The following ATL3 variants were observed in gnomAD, a reference collection of about 807,000 sequenced individuals.
ATL3 encodes atlastin-3.
ATL3 carries 49 observed loss-of-function variants against 69.5 expected under a neutral mutation model. The ratio of observed to expected loss-of-function variants is 0.71; its 90% confidence interval spans 0.56 to 0.89. The LOEUF (loss-of-function observed/expected upper bound fraction) is 0.89, where lower values mean the gene tolerates loss of function less well. Ranked by LOEUF, ATL3 falls within the 40% of genes least tolerant of loss-of-function variation. ATL3 has a pLI of 0.00. For missense variants in ATL3, 606 were observed against 645.7 expected (o/e 0.94, Z 0.67); for synonymous variants, 214 against 224.1 (o/e 0.95, Z 0.40).
intron 8 of ATL3, among the ~76,000 whole-genome samples, chr11:63,636,987 A>G (rs1939540512): frequency 6.6e-6 from 1 of 152,012 alleles, no homozygotes; most frequent in Non-Finnish European, 1.5e-5. Flanking sequence ...CACTTTTTAA[A>G]GAATTTGATG....
intron 1 of ATL3, among the ~76,000 whole-genome samples, chr11:63,661,402 T>C (rs1273601630): frequency 6.6e-6 from 1 of 152,192 alleles, no homozygotes; most frequent in Non-Finnish European, 1.5e-5. Flanking sequence ...AACTATATTA[T>C]ACTTTCCTTA....
rs149349529 is a variant in ATL3 at position 63,669,399 on chromosome 11, G to A, written c.46+1891C>T. Reference sequence around the variant, plus strand: ...AAAATACAAAAATTACCCAGGCGCGGTGGAGGGCGCCTGTAATCCCAGCTA... The same window carrying A: ...AAAATACAAAAATTACCCAGGCGCGATGGAGGGCGCCTGTAATCCCAGCTA... On this transcript the variant is annotated intron_variant, in intron 1 of 12. Transcript: ENST00000398868. Among the ~76,000 whole-genome samples the A allele has an allele frequency of 2.0e-4, 31 of 151,988 alleles. 1 individual carries two copies. In the East Asian group the frequency reaches 5.9e-3, roughly 29 times the overall value.
chr11:63,624,345 G>A lies in ATL3; in HGVS notation c.*4974C>T, dbSNP rs2093020338. The A allele has an allele frequency of 1.3e-5, 2 of 152,158 alleles. No individual in the cohort carries two copies. The highest frequency in any genetic ancestry group is 1.3e-4 in the Admixed American group (2 of 15,272). The allele number at this position is 152,158 out of a possible 1,614,324, so 9.4% of individuals were successfully genotyped here. The stretch of plus-strand genomic sequence containing the variant: ...TTAAGGCTTACATCCATGACAGCAT[G>A]TATCTAATTAGAAAGCTATGGGAAT... On this transcript the variant is annotated 3_prime_UTR_variant, in exon 13 of 13. Transcript: ENST00000398868.
intron 5 of ATL3, among the ~76,000 whole-genome samples, chr11:63,647,651 A>T (rs971868028): frequency 3.9e-5 from 6 of 152,240 alleles, no homozygotes; most frequent in Admixed American, 3.9e-4. Context: ...GAAAAGTATT[A>T]GGCCCATAAT....
At chr11:63,670,222 G>C (rs1221188822) in intron 1 of ATL3, 1 of 151,986 alleles carries the variant, frequency 6.6e-6, no homozygotes, top group African/African-American at 2.4e-5. Context: ...GCTAATCTCT[G>C]TGGGAATGGA....
chr11:63,655,844 G>T (rs1940225774), intron 3 of ATL3, among the ~76,000 whole-genome samples: 1 of 152,106 alleles, frequency 6.6e-6, no homozygotes, highest in African/African-American at 2.4e-5. Flanking sequence ...AAAACTTGAA[G>T]AAATAATAAC....
Position 63,651,973 on chromosome 11 carries a change from G to A in ATL3, c.524C>T (p.Ser175Phe), listed in dbSNP as rs2134506980. 2.5e-6 allele frequency: 4 copies of A among 1,601,378 alleles called. No homozygotes were observed. Among genetic ancestry groups the A allele is most frequent in the Non-Finnish European group, 3.4e-6 (4 of 1,176,242 alleles). The change falls in exon 5 of 13, where the codon TCT becomes TTT. Residue 175 changes from serine to phenylalanine, a missense_variant. Coordinates refer to ENST00000398868, the MANE Select transcript of ATL3 (RefSeq NM_015459.5). ...MTSSVQIYNL[S>F]QNIQEDDLQQ... ...AAGATCATCTTCTTGAATGTTCTGA[G>A]ATAAATTATAAATCTAGAAAACAAA...
At chr11:63,643,168 G>A (rs1267023835) in intron 8 of ATL3, among the ~76,000 whole-genome samples, 189 bp downstream of exon 8, 1 of 152,198 alleles carries the variant, frequency 6.6e-6, no homozygotes, top group African/African-American at 2.4e-5. Flanking sequence ...CATTTCAGGT[G>A]GAGAAGTCAA....
chr11:63,632,884 C>A lies in ATL3; in HGVS notation c.1107+142G>T. On this transcript the variant is annotated intron_variant, in intron 11 of 12. Transcript: ENST00000398868. The stretch of plus-strand genomic sequence containing the variant: ...CAAAGAAATGGTAATAATTAGAAGG[C>A]CCCCGTTACCAGGACAACCTGAATA... The A allele has an allele frequency of 3.8e-6, 3 of 787,474 alleles. No individual in the cohort carries two copies. In the South Asian group the frequency reaches 5.3e-5, roughly 14 times the overall value. The allele number at this position is 787,474 out of a possible 1,614,324, so 48.8% of individuals were successfully genotyped here.
rs1315430071 is a variant in ATL3, at chr11:63,626,218, A to G, written c.*3101T>C. The stretch of plus-strand genomic sequence containing the variant: ...AACATGGCAAAACCCCACCTCTAGT[A>G]AAAAAACAAAAATTAGCCAGGCGTG... On this transcript the variant is annotated 3_prime_UTR_variant, in exon 13 of 13. Transcript: ENST00000398868. 6.6e-6 allele frequency: 1 copy of G among 152,024 alleles called. No homozygotes were observed. Among genetic ancestry groups the G allele is most frequent in the Admixed American group, 6.6e-5 (1 of 15,232 alleles). 9.4% of individuals were successfully genotyped at this position (152,024 alleles called of 1,614,324 possible). A position where few individuals can be genotyped will look rare whatever the true frequency, so the allele number is the denominator to read the frequency against.
At chr11:63,662,821 T>C (rs925520919) in intron 1 of ATL3, among the ~76,000 whole-genome samples, 4 of 152,054 alleles carry the variant, frequency 2.6e-5, no homozygotes, top group Admixed American at 1.3e-4. Flanking sequence ...AAGTAAAGCT[T>C]AGTACTGACA....
chr11:63,637,441 A>G (rs969699714), intron 8 of ATL3, among the ~76,000 whole-genome samples: 1 of 152,200 alleles, frequency 6.6e-6, no homozygotes, highest in Non-Finnish European at 1.5e-5. Context: ...ATGTTAAAAG[A>G]AGTAGAAGTA....
chr11:63,634,212 A>G (rs1939437411), intron 10 of ATL3, among the ~76,000 whole-genome samples: 2 of 150,032 alleles, frequency 1.3e-5, no homozygotes, highest in Non-Finnish European at 3.0e-5. Flanking sequence ...AAGAAGAAGA[A>G]GAAAAAAAAG....
At chr11:63,633,681 G>A (rs1375687453) in intron 10 of ATL3, among the ~76,000 whole-genome samples, 1 of 148,028 alleles carries the variant, frequency 6.8e-6, no homozygotes, top group African/African-American at 2.5e-5. Context: ...ACCACACCTG[G>A]CTCCATTGCT....
chr11:63,666,225 G>T (rs538217093), intron 1 of ATL3, among the ~76,000 whole-genome samples: 4 of 152,180 alleles, frequency 2.6e-5, no homozygotes, highest in African/African-American at 9.6e-5. Context: ...TTTTAGTAGA[G>T]GTGGCGTTTC....
chr11:63,631,577 A>G, intron 11 of ATL3, 106 bp from the exon 12 acceptor site: 1 of 1,014,120 alleles, frequency 9.9e-7, no homozygotes, highest in Non-Finnish European at 1.4e-6. Flanking sequence ...AGATGTTAAC[A>G]ATGTATTAAT....
chr11:63,633,800 C>T (rs376212054), intron 10 of ATL3, among the ~76,000 whole-genome samples: 1 of 145,714 alleles, frequency 6.9e-6, no homozygotes, highest in African/African-American at 2.6e-5. Context: ...TTTGGGAGGC[C>T]GAGGCTGGCG....
intron 8 of ATL3, among the ~76,000 whole-genome samples, chr11:63,639,216 T>C (rs535022879): frequency 6.6e-6 from 1 of 152,358 alleles, no homozygotes; most frequent in Non-Finnish European, 1.5e-5. Context: ...CAATTTAGCA[T>C]CCAATTTACT....
chr11:63,654,732 C>CTT (rs372213299), intron 3 of ATL3, among the ~76,000 whole-genome samples: 19,449 of 136,776 alleles, frequency 0.14, 1,479 homozygotes, highest in Middle Eastern at 0.21. Flanking sequence ...GAGTTTTGCT[C>CTT]GTCACCCAGG....
Sources: allele counts gnomAD v4.1 joint callset (sites outside exome capture counted in the v4.1 genomes callset), GRCh38; gene constraint gnomAD v4.1.1; transcripts MANE v1.5; gene names NCBI Gene and HGNC (gene_info 2026-07-23, HGNC 2026-07-21).